The following LRIG2 variants were observed in gnomAD, a reference collection of about 807,000 sequenced individuals.
The protein encoded by LRIG2 is leucine-rich repeats and immunoglobulin-like domains protein 2.
In LRIG2, 93 loss-of-function variants were observed where a neutral mutation model predicts 107.8. The ratio of observed to expected loss-of-function variants is 0.86; its 90% CI spans 0.73 to 1.03. The LOEUF (loss-of-function observed/expected upper bound fraction) is 1.03, where lower values mean the gene tolerates loss of function less well. LRIG2 is among the 50% of genes least tolerant of loss of function. LRIG2 has a pLI of 0.00. For synonymous variants in LRIG2, 471 were observed against 470.6 expected, an observed-to-expected ratio of 1.00 and a Z score of -0.01; for missense variants, 1,226 against 1,296.0, an observed-to-expected ratio of 0.95 and a Z score of 0.83.
At chr1:113,075,080 G>A (rs559523771) in intron 1 of LRIG2, among the ~76,000 whole-genome samples, 1 of 151,980 alleles carries the variant, frequency 6.6e-6, no homozygotes, top group South Asian at 2.1e-4. Flanking sequence ...AGCTGGGTGT[G>A]GTGGCGCGTG....
At chr1:113,097,341 A>T (rs1287335563) in intron 8 of LRIG2, among the ~76,000 whole-genome samples, 1 of 152,158 alleles carries the variant, frequency 6.6e-6, no homozygotes, top group Non-Finnish European at 1.5e-5. Context: ...CTTTGTGGTC[A>T]TTAGGTTTCG....
intron 1 of LRIG2, among the ~76,000 whole-genome samples, chr1:113,089,737 A>G (rs1438677639): frequency 8.2e-6 from 1 of 121,872 alleles, no homozygotes; most frequent in Non-Finnish European, 1.6e-5. Flanking sequence ...GCTGGAGTGC[A>G]GTGGTGCAAT....
At position 113,092,549 on chromosome 1, in the gene LRIG2, G is replaced by A. The variant is rs189766266; in HGVS notation, c.306-657G>A. 7.7e-3 allele frequency among the ~76,000 whole-genome samples: 396 copies of A among 51,666 alleles called. 2 individuals carry two copies. Among genetic ancestry groups the A allele is most frequent in the African/African-American group, 0.016 (374 of 22,930 alleles). The allele number at this position is 51,666 out of a possible 152,430, so 33.9% of individuals were successfully genotyped here. On this transcript the variant is annotated intron_variant, in intron 2 of 17. Transcript: ENST00000361127. ...TATTTAGAGAAAGAGAGATCTGGAT[G>A]GACTGATTATGCCTTCTTTAAGGAC...
At chr1:113,117,997 G>A (rs1248384919) in intron 16 of LRIG2, among the ~76,000 whole-genome samples, 1 of 151,702 alleles carries the variant, frequency 6.6e-6, no homozygotes, top group Non-Finnish European at 1.5e-5. Flanking sequence ...TCAGCTCACT[G>A]TAACCTTTGC....
rs756785405 is a variant in LRIG2, at chr1:113,073,496, C to T, written c.90C>T (p.Thr30=). 1.2e-6 allele frequency: 2 copies of T among 1,614,158 alleles called. No individual in the cohort carries two copies. The highest frequency in any genetic ancestry group is 1.7e-6 in the Non-Finnish European group (2 of 1,180,016). Reference sequence around the variant, plus strand: ...CTCGGTTACTCTTCATTGCCCAGACCGCTCTCCTCCTGTTGCCCGCCGCCG... The same window carrying T: ...CTCGGTTACTCTTCATTGCCCAGACTGCTCTCCTCCTGTTGCCCGCCGCCG... ...VLSRLLFIAQ[T]ALLLLPAAGA... The change falls in exon 1 of 18, where the codon ACC becomes ACT. Residue 30 remains threonine (T), a synonymous_variant. Transcript: ENST00000361127.
In LRIG2 at chr1:113,073,268, G is replaced by A. The variant is rs1570712838; in HGVS notation, c.-139G>A. The A allele has an allele frequency of 1.4e-6, 1 of 725,634 alleles. No individual in the cohort carries two copies. Among genetic ancestry groups the A allele is most frequent in the Non-Finnish European group, 2.4e-6 (1 of 420,642 alleles). The allele number at this position is 725,634 out of a possible 1,614,324, so 44.9% of individuals were successfully genotyped here. A position where few individuals can be genotyped will look rare whatever the true frequency, so the allele number is the denominator to read the frequency against. ...CGCTGTCGCGCTGCGTCTGCTCCTT[G>A]CATGCCTTTAGATGGTACAGCCTTC... On this transcript the variant is annotated 5_prime_UTR_variant, in exon 1 of 18. Transcript: ENST00000361127.
rs1251336794 is a variant in LRIG2 at position 113,129,797 on chromosome 1, A to C, written c.*5696A>C. The C allele has an allele frequency of 1.3e-5, 2 of 152,096 alleles. No homozygotes were observed. Among genetic ancestry groups the C allele is most frequent in the Non-Finnish European group, 2.9e-5 (2 of 68,034 alleles). 9.4% of individuals were successfully genotyped at this position (152,096 alleles called of 1,614,324 possible). A position where few individuals can be genotyped will look rare whatever the true frequency, so the allele number is the denominator to read the frequency against. On this transcript the variant is annotated 3_prime_UTR_variant, in exon 18 of 18. Coordinates refer to ENST00000361127, the MANE Select transcript of LRIG2 (RefSeq NM_014813.3). ...TTGTCCCCTTTCAGGCTGATTCTCC[A>C]CTTCCACCTGGAAGAAAAGACAGTA...
rs2101036427 is a variant in LRIG2 at position 113,094,761 on chromosome 1, T to TC, written c.803+6_803+7insC. ...TTGAATAACATGGAAGAACTGTAAG[T>TC]ACTCGGGACTAGAGGTGATTATTAG... On this transcript the variant is annotated splice_region_variant and intron_variant, in intron 6 of 17. Transcript: ENST00000361127. 1 of 1,613,104 alleles carries TC rather than the reference T, an allele frequency of 6.2e-7. No homozygotes were observed. The highest frequency in any genetic ancestry group is 1.1e-5 in the South Asian group (1 of 91,038).
intron 17 of LRIG2, among the ~76,000 whole-genome samples, chr1:113,123,386 C>T (rs185722017): frequency 2.0e-5 from 3 of 152,218 alleles, no homozygotes; most frequent in South Asian, 2.1e-4. Flanking sequence ...CTAGCCTGGC[C>T]AACATGGTGA....
chr1:113,119,395 T>C lies in LRIG2; in HGVS notation c.2843T>C (p.Val948Ala), dbSNP rs1655148719. The change falls in exon 17 of 18, where the codon GTA becomes GCA. Residue 948 changes from valine (V) to alanine (A), a missense_variant. By Grantham distance (64) the Val-to-Ala change is moderately conservative. Transcript: ENST00000361127. ...MVQMPKETYL[V>A]HPPQDTTALE... ...CAAATGCCTAAAGAGACATATTTAG[T>C]ACATCCTCCCCAGGATACTACTGCC... 2 of 1,613,880 alleles carry C rather than the reference T, an allele frequency of 1.2e-6. No homozygotes were observed. Among genetic ancestry groups the C allele is most frequent in the African/African-American group, 2.7e-5 (2 of 74,836 alleles).
At chr1:113,104,311 C>T (rs1280418981) in intron 11 of LRIG2, among the ~76,000 whole-genome samples, 1 of 152,164 alleles carries the variant, frequency 6.6e-6, no homozygotes, top group East Asian at 1.9e-4. Context: ...GACTCTTTGT[C>T]ACTGGGACTG....
At chr1:113,116,241 G>A in intron 15 of LRIG2, 46 bp from the exon 16 acceptor site, 1 of 1,553,066 alleles carries the variant, frequency 6.4e-7, no homozygotes, top group Non-Finnish European at 8.8e-7. Context: ...TCTGAGTGTT[G>A]GCTTCAACTG....
At chr1:113,104,686 T>C (rs1158041650) in intron 11 of LRIG2, among the ~76,000 whole-genome samples, 1 of 152,118 alleles carries the variant, frequency 6.6e-6, no homozygotes, top group East Asian at 1.9e-4. Flanking sequence ...AGCTAATTTT[T>C]GTATCTTTAG....
chr1:113,076,298 G>A (rs1652981626), intron 1 of LRIG2, among the ~76,000 whole-genome samples: 1 of 152,218 alleles, frequency 6.6e-6, no homozygotes, highest in South Asian at 2.1e-4. Flanking sequence ...GAGCCACTGC[G>A]CTTGGCCACA....
chr1:113,123,156 G>A (rs1048806030), intron 17 of LRIG2, among the ~76,000 whole-genome samples: 14 of 152,146 alleles, frequency 9.2e-5, no homozygotes, highest in Admixed American at 5.9e-4. Context: ...AAACAATTTT[G>A]TGACATATTT....
At position 113,110,338 on chromosome 1, in the gene LRIG2, G is replaced by T. The variant is rs1390942370; in HGVS notation, c.1574G>T (p.Ser525Ile). The T allele has an allele frequency of 6.2e-7, 1 of 1,614,142 alleles. No individual in the cohort carries two copies. Among genetic ancestry groups the T allele is most frequent in the Non-Finnish European group, 8.5e-7 (1 of 1,179,998 alleles). ...VTLTCTAVSS[S>I]DSPMSTVWRK... The stretch of plus-strand genomic sequence containing the variant: ...CTGACGTGCACTGCAGTGAGCAGCA[G>T]TGATTCACCCATGTCCACTGTGTGG... Residue 525 changes from serine (S) to isoleucine (I), a missense_variant, in exon 13 of 18, where the codon AGT becomes ATT. Physicochemically the swap from Ser to Ile is moderately radical, Grantham distance 142 (BLOSUM62 -2). This residue lies in a region of LRIG2 where 642 missense variants were observed against 712.2 expected (regional missense o/e 0.90). Transcript: ENST00000361127.
At chr1:113,110,756 T>A (rs1228204010) in intron 13 of LRIG2, among the ~76,000 whole-genome samples, 194 bp downstream of exon 13, 2 of 152,170 alleles carry the variant, frequency 1.3e-5, no homozygotes, top group Non-Finnish European at 2.9e-5. Context: ...GGTCTCTAAT[T>A]GGTCTTTGGT....
In LRIG2 at chr1:113,130,965, T is replaced by TC. The variant is rs11446387; in HGVS notation, c.*6864_*6865insC. 150,539 of 152,336 alleles carry TC rather than the reference T, an allele frequency of 0.99. 74,411 individuals are homozygous for TC. Among genetic ancestry groups the TC allele is most frequent in the East Asian group, 1 (5,190 of 5,190 alleles). 9.4% of individuals were successfully genotyped at this position (152,336 alleles called of 1,614,324 possible). A position where few individuals can be genotyped will look rare whatever the true frequency, so the allele number is the denominator to read the frequency against. ...TTATTTTTTTAAGACACAGTCTCGC[T>TC]TATTGCCCCGGCTGGAGTGCAGTGG... On this transcript the variant is annotated 3_prime_UTR_variant, in exon 18 of 18. Transcript: ENST00000361127.
intron 1 of LRIG2, among the ~76,000 whole-genome samples, chr1:113,083,997 TATAATAATAATAATAATA>T (rs55895711): frequency 8.0e-5 from 10 of 125,706 alleles, no homozygotes; most frequent in South Asian, 2.7e-4. Context: ...GAACTTAAAG[TATAATAATAATAATAATA>T]ATAATAATAA....
Sources: gnomAD v4.1 joint callset for allele counts (sites outside exome capture counted in the v4.1 genomes callset) on GRCh38, gnomAD v4.1.1 for gene constraint, gnomAD v4.1.1 regional missense constraint, MANE v1.5 for transcripts, NCBI Gene and HGNC (gene_info 2026-07-23, HGNC 2026-07-21) for gene names.